SP140: variants seen among roughly 807,000 people sequenced by gnomAD.
The protein encoded by SP140 is SP140 nuclear body protein.
A neutral mutation model predicts 125.0 loss-of-function variants in SP140; 81 were observed. The ratio of observed to expected loss-of-function variants is 0.65; its 90% confidence interval spans 0.54 to 0.78. SP140 has a LOEUF of 0.78. Among genes scored for constraint, SP140 ranks in the 30% least tolerant of loss-of-function variants. SP140 has a pLI of 0.00. For missense variants in SP140, 858 were observed against 1,037.0 expected (o/e 0.83, Z 2.37); for synonymous variants, 312 against 354.0 (o/e 0.88, Z 1.33).
chr2:230,282,421 C>T (rs1165693777), intron 15 of SP140, among the ~76,000 whole-genome samples: 2 of 152,154 alleles, frequency 1.3e-5, no homozygotes, highest in Non-Finnish European at 2.9e-5. Flanking sequence ...GGCAAATTTC[C>T]CCATGAAGAC....
At chr2:230,310,465 G>C in intron 23 of SP140, 2 of 690,490 alleles carry the variant, frequency 2.9e-6, no homozygotes, top group Non-Finnish European at 4.7e-6. Flanking sequence ...TGACAGACAG[G>C]GTTCCCTGTG....
chr2:230,210,045 TC>T, intron 1 of SP140: 1 of 1,283,684 alleles, frequency 7.8e-7, no homozygotes, highest in Admixed American at 1.7e-5. Context: ...AGAGCTCAGA[TC>T]CAGTGAAGAG....
chr2:230,275,609 A>G lies in SP140; in HGVS notation c.1498+4970A>G, dbSNP rs1017251344. Among the ~76,000 whole-genome samples, 57 of 152,180 alleles carry G rather than the reference A, an allele frequency of 3.7e-4. 3 individuals carry two copies. The highest frequency in any genetic ancestry group is 3.7e-3 in the Admixed American group (56 of 15,264). ...CTTTCCTCTTTCCTGAGACAAAAAAATATGGAAATTAAGTCAATTAATAAT... is the reference window on the plus strand; with the variant it reads ...CTTTCCTCTTTCCTGAGACAAAAAAGTATGGAAATTAAGTCAATTAATAAT... On this transcript the variant is annotated intron_variant, in intron 15 of 26. Transcript: ENST00000392045.
chr2:230,206,721 C>T (rs775654726), intron 1 of SP140, among the ~76,000 whole-genome samples: 4 of 147,568 alleles, frequency 2.7e-5, no homozygotes, highest in Non-Finnish European at 6.0e-5. Context: ...CTGTAAAAAG[C>T]CCTAGTCCCG....
intron 12 of SP140, among the ~76,000 whole-genome samples, chr2:230,263,338 G>T (rs2052575421): frequency 6.6e-6 from 1 of 152,086 alleles, no homozygotes; most frequent in South Asian, 2.1e-4. Context: ...TTTACTTTAA[G>T]TTTATGCGAG....
intron 1 of SP140, chr2:230,212,307 T>C (rs1482417557): frequency 2.1e-6 from 3 of 1,455,986 alleles, no homozygotes; most frequent in Non-Finnish European, 2.9e-6. Context: ...CCCTTCACAG[T>C]CACCTTGAGC....
intron 1 of SP140, chr2:230,213,088 G>T: frequency 6.4e-7 from 1 of 1,557,950 alleles, no homozygotes; most frequent in Non-Finnish European, 8.8e-7. Flanking sequence ...TTGGGGAAGG[G>T]GATTTCTTAA....
chr2:230,310,370 A>C (rs1349546687), intron 23 of SP140: 1 of 487,278 alleles, frequency 2.1e-6, no homozygotes. Context: ...GTGCTTATTC[A>C]TACAAGACAG....
At chr2:230,188,317 C>A in the SP140 span, among the ~76,000 whole-genome samples, 2 of 152,024 alleles carry the variant, frequency 1.3e-5, no homozygotes, top group Non-Finnish European at 2.9e-5. Context: ...TATAGCAGTG[C>A]TAATTTGTGT....
At chr2:230,218,223 G>T (rs896499571) in intron 3 of SP140, among the ~76,000 whole-genome samples, 2 of 152,208 alleles carry the variant, frequency 1.3e-5, no homozygotes, top group African/African-American at 4.8e-5. Context: ...ACTTCATTTT[G>T]TGTTGAACAG....
chr2:230,293,441 A>G (rs1422483720), intron 20 of SP140, among the ~76,000 whole-genome samples: 2 of 152,180 alleles, frequency 1.3e-5, no homozygotes, highest in East Asian at 3.9e-4. Context: ...GATTCAAGTG[A>G]TTCTTGTGCC....
At chr2:230,233,764 G>A (rs867277803) in intron 1 of SP140, among the ~76,000 whole-genome samples, 8 of 152,102 alleles carry the variant, frequency 5.3e-5, no homozygotes, top group Non-Finnish European at 7.4e-5. Context: ...ATTTTTATAC[G>A]TCTTTTAAAT....
At chr2:230,238,837 A>G (rs2048330424) in intron 3 of SP140, 2 of 1,554,884 alleles carry the variant, frequency 1.3e-6, no homozygotes, top group Non-Finnish European at 1.7e-6. Flanking sequence ...AAGAGAGCCT[A>G]GCACATACTG....
rs146911379 is a variant in SP140 at position 230,270,081 on chromosome 2, G to A, written c.1444+128G>A. 1,049 of 666,334 alleles carry A rather than the reference G, an allele frequency of 1.6e-3. 12 individuals carry two copies. The African/African-American group carries it at 0.017, about 10-fold the overall frequency. The allele number at this position is 666,334 out of a possible 1,614,324, so 41.3% of individuals were successfully genotyped here. ...CCGCATTTGCTTGACCTGAGCCTTT[G>A]GGGAGCTGCAGGGAGGCAAGAGATC... On this transcript the variant is annotated intron_variant, in intron 14 of 26. Coordinates refer to ENST00000392045, the MANE Select transcript of SP140 (RefSeq NM_007237.5).
At chr2:230,236,168 C>G (rs1256850731) in intron 1 of SP140, among the ~76,000 whole-genome samples, 1 of 152,180 alleles carries the variant, frequency 6.6e-6, no homozygotes, top group Non-Finnish European at 1.5e-5. Flanking sequence ...AGCCACCGCG[C>G]CCGGCCTTCT....
chr2:230,226,894 A>G (rs1364496267), intron 1 of SP140, among the ~76,000 whole-genome samples: 4 of 152,194 alleles, frequency 2.6e-5, no homozygotes, highest in Non-Finnish European at 5.9e-5. Context: ...AATAACAACA[A>G]TAAAAAGTAA....
At chr2:230,236,980 T>C (rs1468248506) in intron 1 of SP140, 103 bp from the exon 2 acceptor site, 2 of 767,212 alleles carry the variant, frequency 2.6e-6, no homozygotes, top group African/African-American at 3.5e-5. Context: ...ATTTTATACA[T>C]GTTGGCTCTC....
intron 15 of SP140, among the ~76,000 whole-genome samples, chr2:230,283,904 A>G (rs2055988670): frequency 1.3e-5 from 2 of 152,228 alleles, no homozygotes; most frequent in African/African-American, 4.8e-5. Context: ...TTATGTAATT[A>G]CATAATGAAA....
At chr2:230,187,913 A>T in the SP140 span, among the ~76,000 whole-genome samples, 1 of 152,160 alleles carries the variant, frequency 6.6e-6, no homozygotes, top group South Asian at 2.1e-4. Flanking sequence ...TATAATTTTA[A>T]GTCTGGTAAT....
Sources: gnomAD v4.1 joint callset for allele counts (sites outside exome capture counted in the v4.1 genomes callset) on GRCh38, gnomAD v4.1.1 for gene constraint, MANE v1.5 for transcripts, NCBI Gene and HGNC (gene_info 2026-07-23, HGNC 2026-07-21) for gene names.